The following LDLRAD3 variants were observed in gnomAD, a reference collection of about 807,000 sequenced individuals.
The protein encoded by LDLRAD3 is low density lipoprotein receptor class A domain containing 3, also known as low-density lipoprotein receptor class A domain-containing protein 3.
LDLRAD3 carries 20 observed loss-of-function variants against 29.4 expected under a neutral mutation model. The observed-to-expected ratio is 0.68, with a 90% CI of 0.48 to 0.99. LDLRAD3 has a LOEUF of 0.99. Among genes scored for constraint, LDLRAD3 ranks in the 50% least tolerant of loss-of-function variants. LDLRAD3 has a pLI of 0.00. For synonymous variants in LDLRAD3, 157 were observed against 192.7 expected, an observed-to-expected ratio of 0.81 and a Z score of 1.53; for missense variants, 420 against 454.3, an observed-to-expected ratio of 0.92 and a Z score of 0.69.
At position 36,173,255 on chromosome 11, in the gene LDLRAD3, T is replaced by A. The variant is rs1045135919; in HGVS notation, c.455-53830T>A. Among the ~76,000 whole-genome samples the A allele has an allele frequency of 3.3e-5, 5 of 152,038 alleles. No individual in the cohort carries two copies. In the East Asian group the frequency reaches 9.7e-4, roughly 29 times the overall value. On this transcript the variant is annotated intron_variant, in intron 4 of 5. Coordinates refer to ENST00000315571, the MANE Select transcript of LDLRAD3 (RefSeq NM_174902.4). ...ACAATGTGCAGGTTTGTTACATATG[T>A]ATACATGTGCCATGTTGGTGTGCTG...
intron 4 of LDLRAD3, among the ~76,000 whole-genome samples, chr11:36,138,731 A>C (rs991786249): frequency 6.6e-6 from 1 of 152,230 alleles, no homozygotes; most frequent in Non-Finnish European, 1.5e-5. Context: ...TTGTCAGAAC[A>C]TGTGATGCTT....
intron 1 of LDLRAD3, among the ~76,000 whole-genome samples, chr11:35,984,289 T>G (rs1851580719): frequency 6.6e-6 from 1 of 152,188 alleles, no homozygotes; most frequent in African/African-American, 2.4e-5. Context: ...TAGGCATTTT[T>G]TTTTTCATAA....
intron 4 of LDLRAD3, among the ~76,000 whole-genome samples, chr11:36,220,279 T>G (rs1855410512): frequency 6.6e-6 from 1 of 152,092 alleles, no homozygotes; most frequent in Admixed American, 6.5e-5. Flanking sequence ...TGGAGAACAG[T>G]GGGACAATTT....
chr11:36,134,871 G>A (rs1334402593), intron 4 of LDLRAD3, among the ~76,000 whole-genome samples: 1 of 152,304 alleles, frequency 6.6e-6, no homozygotes, highest in East Asian at 1.9e-4. Context: ...CTGGGGACCA[G>A]GAGGTATCAT....
intron 2 of LDLRAD3, among the ~76,000 whole-genome samples, chr11:36,081,406 C>T (rs1853111495): frequency 6.6e-6 from 1 of 152,176 alleles, no homozygotes; most frequent in Admixed American, 6.5e-5. Context: ...TGATTGGCAC[C>T]TGCTGTGGTG....
chr11:36,225,862 A>G (rs1855491336), intron 4 of LDLRAD3, among the ~76,000 whole-genome samples: 2 of 152,102 alleles, frequency 1.3e-5, no homozygotes. Context: ...CTTGAGGTCA[A>G]GAGTTCGAGA....
chr11:36,193,372 T>C (rs1423377870), intron 4 of LDLRAD3, among the ~76,000 whole-genome samples: 3 of 152,172 alleles, frequency 2.0e-5, no homozygotes, highest in Non-Finnish European at 4.4e-5. Context: ...TGAGTCTCTC[T>C]CCCTCTTTCT....
chr11:36,171,862 TATG>T (rs1854603027), intron 4 of LDLRAD3, among the ~76,000 whole-genome samples: 1 of 152,130 alleles, frequency 6.6e-6, no homozygotes, highest in Admixed American at 6.6e-5. Flanking sequence ...TTTGAAGAAT[TATG>T]ATAATATATT....
chr11:36,170,297 T>C (rs529356319), intron 4 of LDLRAD3, among the ~76,000 whole-genome samples: 98 of 80,788 alleles, frequency 1.2e-3, no homozygotes, highest in African/African-American at 3.9e-3. Context: ...TATACACACA[T>C]ATATATACAT....
chr11:36,157,346 G>A (rs1186055227), intron 4 of LDLRAD3, among the ~76,000 whole-genome samples: 1 of 152,238 alleles, frequency 6.6e-6, no homozygotes, highest in African/African-American at 2.4e-5. Flanking sequence ...TCTGGGGGAT[G>A]CCAGACAAAC....
intron 2 of LDLRAD3, among the ~76,000 whole-genome samples, chr11:36,037,981 C>CG (rs1243997524): frequency 6.6e-6 from 1 of 152,168 alleles, no homozygotes; most frequent in Non-Finnish European, 1.5e-5. Flanking sequence ...ACTGCAGCCT[C>CG]GACCTCCTGG....
At chr11:36,175,734 G>A (rs1253582827) in intron 4 of LDLRAD3, among the ~76,000 whole-genome samples, 2 of 152,104 alleles carry the variant, frequency 1.3e-5, no homozygotes, top group East Asian at 3.9e-4. Context: ...CTATTATATG[G>A]TCTGTCTTAG....
intron 2 of LDLRAD3, among the ~76,000 whole-genome samples, chr11:36,049,748 G>A (rs940657650): frequency 3.9e-5 from 6 of 152,148 alleles, no homozygotes; most frequent in Admixed American, 2.0e-4. Context: ...AGAGCTTTAG[G>A]TTAATTTCAA....
intron 4 of LDLRAD3, among the ~76,000 whole-genome samples, chr11:36,190,071 G>C (rs1023799509): frequency 2.8e-5 from 4 of 143,884 alleles, no homozygotes; most frequent in Admixed American, 6.9e-5. Flanking sequence ...TCTAGGGGGA[G>C]GGGGGAGGGG....
intron 1 of LDLRAD3, among the ~76,000 whole-genome samples, chr11:35,971,926 G>T (rs1851417432): frequency 6.6e-6 from 1 of 152,140 alleles, no homozygotes; most frequent in Non-Finnish European, 1.5e-5. Flanking sequence ...GAAGATCCCA[G>T]TATTCTATCT....
At chr11:36,062,895 G>A (rs1852725985) in intron 2 of LDLRAD3, among the ~76,000 whole-genome samples, 1 of 152,156 alleles carries the variant, frequency 6.6e-6, no homozygotes, top group Admixed American at 6.5e-5. Context: ...TTTATTAGAA[G>A]GGACTAATAC....
At chr11:36,120,267 T>A (rs1317385647) in intron 4 of LDLRAD3, among the ~76,000 whole-genome samples, 9 of 152,190 alleles carry the variant, frequency 5.9e-5, no homozygotes, top group Admixed American at 3.3e-4. Flanking sequence ...ATTTTTTTTT[T>A]AAATGGTTAG....
intron 3 of LDLRAD3, among the ~76,000 whole-genome samples, chr11:36,097,707 T>C (rs7940115): frequency 0.062 from 9,405 of 152,184 alleles, 330 homozygotes; most frequent in African/African-American, 0.097. Context: ...AGGGTGAATA[T>C]ACTTAACAAA....
intron 1 of LDLRAD3, among the ~76,000 whole-genome samples, chr11:35,980,930 CCA>C (rs1235493498): frequency 1.3e-5 from 2 of 152,096 alleles, no homozygotes; most frequent in African/African-American, 4.8e-5. Flanking sequence ...TGGAAATCCC[CCA>C]CAGTCTGGGG....
Sources: gnomAD v4.1 joint callset for allele counts (sites outside exome capture counted in the v4.1 genomes callset) on GRCh38, gnomAD v4.1.1 for gene constraint, MANE v1.5 for transcripts, NCBI Gene and HGNC (gene_info 2026-07-23, HGNC 2026-07-21) for gene names.